The following SHROOM4 variants were observed in gnomAD, a reference collection of about 807,000 sequenced individuals.
The protein encoded by SHROOM4 is protein Shroom4.
SHROOM4 carries 17 observed loss-of-function variants against 80.3 expected under a neutral mutation model. That is an observed-to-expected ratio of 0.21 (90% CI 0.14 to 0.32). SHROOM4 has a LOEUF of 0.32. SHROOM4 is among the 10% of genes least tolerant of loss of function. The pLI is 1.00. For synonymous variants in SHROOM4, 400 were observed against 437.5 expected (o/e 0.91, Z 1.07); for missense variants, 993 against 1,140.3 (o/e 0.87, Z 1.86).
In SHROOM4 at chrX:50,812,039, C is replaced by A. The variant is rs980169545; in HGVS notation, c.117+1863G>T. Among the ~76,000 whole-genome samples the A allele has an allele frequency of 3.6e-5, 4 of 109,687 alleles. No individual in the cohort carries two copies. In the Admixed American group the frequency reaches 3.9e-4, roughly 11 times the overall value. On this transcript the variant is annotated intron_variant, in intron 1 of 8. Coordinates refer to ENST00000376020, the MANE Select transcript of SHROOM4 (RefSeq NM_020717.5). ...TGCTCTCACTGGCTCACAAAATAAT[C>A]CGGGACCACAGCAGCAAGCACTCTC...
chrX:50,627,074 C>G (rs1047909944), intron 5 of SHROOM4, among the ~76,000 whole-genome samples: 1 of 111,602 alleles, frequency 9.0e-6, no homozygotes. Context: ...TCTCTGTGTG[C>G]CTCAATTTCT....
chrX:50,618,281 TTC>T (rs782712066), intron 5 of SHROOM4, among the ~76,000 whole-genome samples: 84 of 412 alleles, frequency 0.2, no homozygotes, highest in Non-Finnish European at 0.27. Flanking sequence ...TCTCTTCCCC[TTC>T]CTTCCTTCCT....
rs782016561 is a variant in SHROOM4, at chrX:50,646,527, AGTGTGTGTGTGTGTGTGT to A, written c.270-8237_270-8220del. ...TTATAGACCCAACCAAGGGGGGAAG[AGTGTGTGTGTGTGTGTGT>A]GTGTGTGTGTGTGTGTGTGTGTGTG... On this transcript the variant is annotated intron_variant, in intron 2 of 8. Coordinates refer to ENST00000376020, the MANE Select transcript of SHROOM4 (RefSeq NM_020717.5). Among the ~76,000 whole-genome samples the A allele has an allele frequency of 3.0e-4, 24 of 78,780 alleles. No individual in the cohort carries two copies. The South Asian group carries it at 3.4e-3, about 11-fold the overall frequency. The allele number at this position is 78,780 out of a possible 115,157, so 68.4% of individuals were successfully genotyped here. A position where few individuals can be genotyped will look rare whatever the true frequency, so the allele number is the denominator to read the frequency against.
At chrX:50,784,414 C>T (rs1437577893) in intron 1 of SHROOM4, among the ~76,000 whole-genome samples, 1 of 112,143 alleles carries the variant, frequency 8.9e-6, no homozygotes, top group Non-Finnish European at 1.9e-5. Flanking sequence ...CCTCCTGCCT[C>T]AGCCTCCCAA....
At chrX:50,768,513 G>A (rs1201445853) in intron 1 of SHROOM4, among the ~76,000 whole-genome samples, 1 of 111,956 alleles carries the variant, frequency 8.9e-6, no homozygotes, top group Non-Finnish European at 1.9e-5. Flanking sequence ...CTGCTTGTAT[G>A]ATGTTGGAAA....
intron 5 of SHROOM4, among the ~76,000 whole-genome samples, chrX:50,623,597 C>T (rs1025685324): frequency 2.7e-5 from 3 of 111,879 alleles, no homozygotes; most frequent in East Asian, 5.6e-4. Flanking sequence ...ATGGTGCAGT[C>T]GCTTTAGAAA....
intron 1 of SHROOM4, among the ~76,000 whole-genome samples, chrX:50,799,801 C>G (rs1557272417): frequency 8.9e-6 from 1 of 112,077 alleles, no homozygotes; most frequent in Non-Finnish European, 1.9e-5. Flanking sequence ...CTACACCCAC[C>G]TTAAACACAT....
At chrX:50,600,298 C>A (rs1929333525) in intron 7 of SHROOM4, among the ~76,000 whole-genome samples, 1 of 111,510 alleles carries the variant, frequency 9.0e-6, no homozygotes, top group Admixed American at 9.5e-5. Flanking sequence ...ATGGCCCTGT[C>A]CCAGGCTGCC....
intron 2 of SHROOM4, among the ~76,000 whole-genome samples, chrX:50,666,278 A>T (rs1222028178): frequency 8.9e-6 from 1 of 111,915 alleles, no homozygotes; most frequent in East Asian, 2.8e-4. Context: ...ACACAGAGCT[A>T]CTTTCCCAGT....
chrX:50,771,527 A>G (rs782389607), intron 1 of SHROOM4, among the ~76,000 whole-genome samples: 2 of 111,952 alleles, frequency 1.8e-5, no homozygotes, highest in Non-Finnish European at 3.8e-5. Flanking sequence ...ATCTGGGAGA[A>G]ATTAAGCCTT....
chrX:50,623,310 C>A (rs1557252319), intron 5 of SHROOM4, among the ~76,000 whole-genome samples: 1 of 111,085 alleles, frequency 9.0e-6, no homozygotes, highest in African/African-American at 3.3e-5. Flanking sequence ...GCCTCAGCCT[C>A]CTGAGTAGCT....
chrX:50,812,013 A>G (rs1936341320), intron 1 of SHROOM4, among the ~76,000 whole-genome samples: 1 of 109,898 alleles, frequency 9.1e-6, no homozygotes, highest in African/African-American at 3.3e-5. Flanking sequence ...ACCCCCTGCC[A>G]TGCTCTCACT....
chrX:50,711,655 T>G (rs782003407), intron 1 of SHROOM4, among the ~76,000 whole-genome samples: 2 of 111,741 alleles, frequency 1.8e-5, no homozygotes, highest in Non-Finnish European at 3.8e-5. Context: ...TATTGATGAG[T>G]GAATAGAGAA....
At chrX:50,777,693 T>C (rs1225673774) in intron 1 of SHROOM4, among the ~76,000 whole-genome samples, 1 of 111,914 alleles carries the variant, frequency 8.9e-6, no homozygotes, top group Admixed American at 9.5e-5. Context: ...ACTCTGTTAA[T>C]GAAAAAAAGT....
At chrX:50,743,198 C>T (rs1934704240) in intron 1 of SHROOM4, among the ~76,000 whole-genome samples, 1 of 107,508 alleles carries the variant, frequency 9.3e-6, no homozygotes, top group African/African-American at 3.4e-5. Flanking sequence ...AGTTCCTGAT[C>T]CAGTCCTAGA....
At chrX:50,643,699 T>C (rs1557257543) in intron 2 of SHROOM4, 2 of 111,392 alleles carry the variant, frequency 1.8e-5, no homozygotes, top group African/African-American at 6.5e-5. Flanking sequence ...TCCAGCAGCA[T>C]AAACAGCCCC....
chrX:50,638,565 G>A (rs991917336), intron 2 of SHROOM4, among the ~76,000 whole-genome samples: 1 of 112,280 alleles, frequency 8.9e-6, no homozygotes, highest in Non-Finnish European at 1.9e-5. Context: ...TGGACACATA[G>A]TAGATGTTCA....
chrX:50,580,080 T>C, the SHROOM4 span, among the ~76,000 whole-genome samples: 2 of 111,752 alleles, frequency 1.8e-5, no homozygotes, highest in Middle Eastern at 4.7e-3. Flanking sequence ...ACATCACTAC[T>C]TACTGCCTCT....
intron 5 of SHROOM4, among the ~76,000 whole-genome samples, chrX:50,626,426 T>C (rs1557253071): frequency 8.9e-6 from 1 of 112,124 alleles, no homozygotes; most frequent in African/African-American, 3.2e-5. Context: ...AATTCCTAGC[T>C]TATCCCTTTA....
Sources: allele counts gnomAD v4.1 joint callset (sites outside exome capture counted in the v4.1 genomes callset), GRCh38; gene constraint gnomAD v4.1.1; transcripts MANE v1.5; gene names NCBI Gene and HGNC (gene_info 2026-07-23, HGNC 2026-07-21).